Variants in SCGB2B2 observed in about 807,000 individuals in gnomAD.
The protein encoded by SCGB2B2 is secretoglobin family 2B member 2.
In SCGB2B2, 11 loss-of-function variants were observed where a neutral mutation model predicts 7.6. The observed-to-expected ratio is 1.45, with a 90% CI of 0.91 to 2.40. The LOEUF (loss-of-function observed/expected upper bound fraction) is 2.40. Among genes scored for constraint, SCGB2B2 ranks in the 30% most tolerant of loss-of-function variants. The pLI is 0.00. For missense variants in SCGB2B2, 104 were observed against 115.4 expected (o/e 0.90, Z 0.45); for synonymous variants, 50 against 48.6 (o/e 1.03, Z -0.12).
intron 1 of SCGB2B2, among the ~76,000 whole-genome samples, chr19:34,667,376 C>T (rs2067661401): frequency 1.3e-5 from 2 of 152,186 alleles, no homozygotes; most frequent in South Asian, 4.2e-4. Context: ...ACACCATCCA[C>T]AGGCACCTCG....
At chr19:34,649,060 A>T (rs2067096172) in intron 1 of SCGB2B2, among the ~76,000 whole-genome samples, 1 of 151,978 alleles carries the variant, frequency 6.6e-6, no homozygotes, top group African/African-American at 2.4e-5. Context: ...GTGCCACCAC[A>T]CCCAGCTGAT....
At chr19:34,656,215 A>G (rs1406713333) in intron 1 of SCGB2B2, among the ~76,000 whole-genome samples, 2 of 151,568 alleles carry the variant, frequency 1.3e-5, no homozygotes, top group Non-Finnish European at 2.9e-5. Context: ...ATTTGATGTA[A>G]TTTAACACAT....
chr19:34,594,522 C>A lies in SCGB2B2; in HGVS notation c.42G>T (p.Leu14=). 4 of 1,613,552 alleles carry A rather than the reference C, an allele frequency of 2.5e-6. No homozygotes were observed. Among genetic ancestry groups the A allele is most frequent in the Non-Finnish European group, 3.4e-6 (4 of 1,179,994 alleles). Residue 14 remains leucine (L), a synonymous_variant, in exon 2 of 4, where the codon CTG becomes CTT. Coordinates refer to ENST00000601241, the MANE Select transcript of SCGB2B2 (RefSeq NM_001025591.4). ...TSATCALLLA[L]ICSVQLGDAC... is the part of the protein sequence containing the mutation. ...TCTTACCCAGCTGGACGCTGCAGAT[C>A]AGAGCCAGCAGAAGAGCACAGGTGG... is the stretch of plus-strand genomic sequence containing the variant.
intron 1 of SCGB2B2, among the ~76,000 whole-genome samples, chr19:34,672,436 C>T (rs2067826552): frequency 6.6e-6 from 1 of 152,010 alleles, no homozygotes; most frequent in South Asian, 2.1e-4. Flanking sequence ...TGAGATAGTT[C>T]TTTCTTGATA....
chr19:34,670,710 G>C (rs8113499), intron 1 of SCGB2B2, among the ~76,000 whole-genome samples: 145,168 of 152,344 alleles, frequency 0.95, 69,579 homozygotes, highest in Middle Eastern at 0.99. Flanking sequence ...AGAGCATGTC[G>C]CATAGCAGAA....
intron 1 of SCGB2B2, among the ~76,000 whole-genome samples, chr19:34,647,235 G>A (rs2067045925): frequency 6.6e-6 from 1 of 152,204 alleles, no homozygotes; most frequent in Non-Finnish European, 1.5e-5. Flanking sequence ...ACCACTCTCA[G>A]GCATGGTGCC....
intron 1 of SCGB2B2, among the ~76,000 whole-genome samples, chr19:34,656,306 T>G (rs1265721486): frequency 6.6e-6 from 1 of 151,402 alleles, no homozygotes; most frequent in Non-Finnish European, 1.5e-5. Flanking sequence ...TTTTCTTGAT[T>G]TAAAAAATTC....
At chr19:34,589,714 G>A (rs2065255273), downstream of SCGB2B2, among the ~76,000 whole-genome samples, 1 of 152,104 alleles carries the variant, frequency 6.6e-6, no homozygotes. Context: ...CTACAGTCAT[G>A]GACCAGATCC....
At chr19:34,606,068 GTTT>G (rs1568430066) in intron 1 of SCGB2B2, among the ~76,000 whole-genome samples, 1 of 150,298 alleles carries the variant, frequency 6.7e-6, no homozygotes, top group Non-Finnish European at 1.5e-5. Flanking sequence ...ATTTTACGTA[GTTT>G]TTAAAATTTT....
At chr19:34,644,722 T>C (rs1261790074) in intron 1 of SCGB2B2, among the ~76,000 whole-genome samples, 1 of 152,244 alleles carries the variant, frequency 6.6e-6, no homozygotes, top group Admixed American at 6.5e-5. Flanking sequence ...AAAAAGTTCA[T>C]CTTTTTCGCC....
Position 34,594,570 on chromosome 19 carries a change from G to C in SCGB2B2, c.-7C>G, listed in dbSNP as rs201549212. The C allele has an allele frequency of 1.9e-6, 3 of 1,612,276 alleles. No individual in the cohort carries two copies. The highest frequency in any genetic ancestry group is 3.3e-5 in the Admixed American group (2 of 60,004). ...TGGCGGATGTCACCCTCATGACAGC[G>C]GAGTCTGGTCCCAGCAGGCACAGGC... On this transcript the variant is annotated 5_prime_UTR_variant, in exon 2 of 4. Coordinates refer to ENST00000601241, the MANE Select transcript of SCGB2B2 (RefSeq NM_001025591.4).
chr19:34,675,668 T>C lies in SCGB2B2; in HGVS notation c.-2070A>G, dbSNP rs1250802700. On this transcript the variant is annotated 5_prime_UTR_variant, in exon 1 of 4. Coordinates refer to ENST00000601241, the MANE Select transcript of SCGB2B2 (RefSeq NM_001025591.4). ...ACTGCTGCTTGTTATGTGTCCGGAA[T>C]TGGTTCCTTCTGGTGGGTTCCTGGT... 1 of 152,524 alleles carries C rather than the reference T, an allele frequency of 6.6e-6. No individual in the cohort carries two copies. Among genetic ancestry groups the C allele is most frequent in the Non-Finnish European group, 1.5e-5 (1 of 68,300 alleles). The allele number at this position is 152,524 out of a possible 1,614,324, so 9.4% of individuals were successfully genotyped here.
intron 1 of SCGB2B2, among the ~76,000 whole-genome samples, chr19:34,634,126 A>C (rs1284349081): frequency 1.3e-5 from 2 of 152,198 alleles, no homozygotes; most frequent in Admixed American, 1.3e-4. Flanking sequence ...GAAGTCCTGA[A>C]AATATCTGTG....
At chr19:34,620,319 A>C (rs1375831005) in intron 1 of SCGB2B2, among the ~76,000 whole-genome samples, 1 of 152,162 alleles carries the variant, frequency 6.6e-6, no homozygotes, top group Non-Finnish European at 1.5e-5. Context: ...AAAATGTGGC[A>C]CATATACACC....
chr19:34,642,638 C>T (rs528768574), intron 1 of SCGB2B2, among the ~76,000 whole-genome samples: 198 of 130,712 alleles, frequency 1.5e-3, no homozygotes, highest in African/African-American at 5.5e-3. Context: ...TTGCTTGAAC[C>T]CAGGAGGTGG....
At chr19:34,662,952 AAACAAAC>A (rs1184900568) in intron 1 of SCGB2B2, among the ~76,000 whole-genome samples, 12 of 146,176 alleles carry the variant, frequency 8.2e-5, no homozygotes, top group African/African-American at 3.2e-4. Flanking sequence ...ACAAACAAAC[AAACAAAC>A]AAAAAAAAAC....
intron 1 of SCGB2B2, among the ~76,000 whole-genome samples, chr19:34,620,522 G>A (rs1383994088): frequency 8.6e-6 from 1 of 116,400 alleles, no homozygotes; most frequent in African/African-American, 3.2e-5. Context: ...ACACCAGGGT[G>A]GGGGGAGGGG....
intron 1 of SCGB2B2, among the ~76,000 whole-genome samples, chr19:34,617,904 G>T (rs4578784): frequency 4.7e-5 from 7 of 148,896 alleles, no homozygotes; most frequent in African/African-American, 9.9e-5. Flanking sequence ...TCCAGGTGCC[G>T]TCTGTCACCC....
intron 1 of SCGB2B2, chr19:34,608,684 T>TATATATATATATATATATATATATATAC (rs879668084): frequency 3.4e-4 from 43 of 126,526 alleles, no homozygotes; most frequent in Non-Finnish European, 5.6e-4. Flanking sequence ...TATATATATA[T>TATATATATATATATATATATATATATAC]ACCGTATTTT....
Sources: gnomAD v4.1 joint callset for allele counts (sites outside exome capture counted in the v4.1 genomes callset) on GRCh38, gnomAD v4.1.1 for gene constraint, MANE v1.5 for transcripts, NCBI Gene and HGNC (gene_info 2026-07-23, HGNC 2026-07-21) for gene names.